Variants in ANXA11 observed in about 807,000 individuals in gnomAD.
The protein encoded by ANXA11 is 56 kDa autoantigen.
A neutral mutation model predicts 64.7 loss-of-function variants in ANXA11; 57 were observed. The observed-to-expected ratio is 0.88, with a 90% CI of 0.71 to 1.10. ANXA11 has a LOEUF of 1.10. ANXA11 is among the 50% of genes least tolerant of loss of function. The pLI is 0.00. For missense variants in ANXA11, 675 were observed against 670.7 expected (o/e 1.01, Z -0.07); for synonymous variants, 260 against 265.2 (o/e 0.98, Z 0.19).
At chr10:80,176,533 G>T (rs972136302) in intron 1 of ANXA11, among the ~76,000 whole-genome samples, 3 of 152,198 alleles carry the variant, frequency 2.0e-5, no homozygotes, top group Non-Finnish European at 4.4e-5. Flanking sequence ...GTGCATTTCT[G>T]CTGCATGTAT....
intron 8 of ANXA11, among the ~76,000 whole-genome samples, chr10:80,165,120 G>GT (rs1482648065): frequency 6.6e-6 from 1 of 152,164 alleles, no homozygotes; most frequent in Non-Finnish European, 1.5e-5. Context: ...ACTCCCTGGG[G>GT]CCCCGGGCCA....
chr10:80,176,579 T>C (rs1040594207), intron 1 of ANXA11, among the ~76,000 whole-genome samples: 1 of 152,224 alleles, frequency 6.6e-6, no homozygotes, highest in Non-Finnish European at 1.5e-5. Context: ...AAAGGCCCAA[T>C]TCAGGTGCAG....
chr10:80,188,005 C>G (rs1564622670), intron 1 of ANXA11, among the ~76,000 whole-genome samples: 1 of 152,094 alleles, frequency 6.6e-6, no homozygotes, highest in Non-Finnish European at 1.5e-5. Context: ...AAACCCTTCC[C>G]TCATTTTGCA....
At chr10:80,182,959 A>G (rs751669888) in intron 1 of ANXA11, among the ~76,000 whole-genome samples, 25 of 152,186 alleles carry the variant, frequency 1.6e-4, no homozygotes, top group Non-Finnish European at 1.6e-4. Flanking sequence ...AGTGTGGGGA[A>G]AAAAAACACA....
chr10:80,192,904 T>C (rs940970719), intron 1 of ANXA11, among the ~76,000 whole-genome samples: 4 of 152,182 alleles, frequency 2.6e-5, no homozygotes, highest in South Asian at 2.1e-4. Context: ...CTACCTCCCA[T>C]GCACTTTTCT....
At chr10:80,159,452 A>G (rs1190535600) in intron 12 of ANXA11, among the ~76,000 whole-genome samples, 1 of 152,218 alleles carries the variant, frequency 6.6e-6, no homozygotes, top group East Asian at 1.9e-4. Flanking sequence ...ATGTGAGCAC[A>G]GTGATTGTCA....
intron 13 of ANXA11, among the ~76,000 whole-genome samples, chr10:80,158,578 T>A (rs925449951): frequency 6.6e-6 from 1 of 152,212 alleles, no homozygotes; most frequent in Admixed American, 6.5e-5. Context: ...AGAGGGGTTG[T>A]GAGGGCCTCA....
chr10:80,194,611 C>A (rs977785078), intron 1 of ANXA11, among the ~76,000 whole-genome samples: 1 of 152,088 alleles, frequency 6.6e-6, no homozygotes, highest in African/African-American at 2.4e-5. Context: ...CTCTGAGGGG[C>A]CTTGGCAAAT....
intron 8 of ANXA11, among the ~76,000 whole-genome samples, chr10:80,165,436 G>A (rs1038388416): frequency 2.6e-5 from 4 of 152,190 alleles, no homozygotes; most frequent in African/African-American, 9.6e-5. Flanking sequence ...GGAGGGAACA[G>A]TGAGTCCAAG....
rs58223589 is a variant in ANXA11, at chr10:80,166,075, C to CACACAT, written c.858+8_858+9insATGTGT. 1 of 1,463,526 alleles carries CACACAT rather than the reference C, an allele frequency of 6.8e-7. No homozygotes were observed. 90.7% of individuals were successfully genotyped at this position (1,463,526 alleles called of 1,614,324 possible). A position where few individuals can be genotyped will look rare whatever the true frequency, so the allele number is the denominator to read the frequency against. ...ACACACACACACACACACACACACA[C>CACACAT]GTACACACCTTGATGGCTTCCTTTA... On this transcript the variant is annotated intron_variant, in intron 8 of 15. Transcript: ENST00000422982.
chr10:80,186,353 T>C (rs1386931725), intron 1 of ANXA11, among the ~76,000 whole-genome samples: 1 of 151,438 alleles, frequency 6.6e-6, no homozygotes, highest in African/African-American at 2.4e-5. Flanking sequence ...GTGTGACAGG[T>C]GGAGGATGGG....
chr10:80,196,463 T>C (rs951983032), intron 1 of ANXA11, among the ~76,000 whole-genome samples: 2 of 152,164 alleles, frequency 1.3e-5, no homozygotes, highest in African/African-American at 2.4e-5. Flanking sequence ...CCTGTTTCGG[T>C]AGCCTCTATT....
chr10:80,171,083 CT>C (rs1413784533), intron 3 of ANXA11, 168 bp from the exon 4 acceptor site: 15 of 1,517,110 alleles, frequency 9.9e-6, no homozygotes, highest in South Asian at 2.5e-5. Context: ...AAGTCTCCCC[CT>C]ATCCCACTGG....
chr10:80,187,544 T>TGCAC (rs1846591379), intron 1 of ANXA11, among the ~76,000 whole-genome samples: 1 of 142,734 alleles, frequency 7.0e-6, no homozygotes, highest in African/African-American at 2.6e-5. Flanking sequence ...TGTGCGCGCG[T>TGCAC]GCACACACAC....
intron 7 of ANXA11, 150 bp downstream of exon 7, chr10:80,166,740 C>T: frequency 1.5e-6 from 1 of 659,354 alleles, no homozygotes; most frequent in South Asian, 1.8e-5. Flanking sequence ...CCAACGATGC[C>T]ACCAGCTGGA....
chr10:80,170,871 T>C lies in ANXA11; in HGVS notation c.100A>G (p.Met34Val), dbSNP rs762135310. 20 of 1,556,668 alleles carry C rather than the reference T, an allele frequency of 1.3e-5. No homozygotes were observed. Among genetic ancestry groups the C allele is most frequent in the Non-Finnish European group, 1.6e-5 (19 of 1,154,068 alleles). Residue 34 changes from methionine to valine, a missense_variant, in exon 4 of 16, where the codon ATG becomes GTG. Met to Val is a conservative substitution (Grantham distance 21). Transcript: ENST00000422982. Reference sequence around the variant, plus strand: ...ACGTTATCCAGCCCGATGGGGGGCATGCTGGGCGGAGGAGGGTAGGCAGCA... The same window carrying C: ...ACGTTATCCAGCCCGATGGGGGGCACGCTGGGCGGAGGAGGGTAGGCAGCA... ...GGAAYPPPPS[M>V]PPIGLDNVAT...
chr10:80,198,402 A>G (rs1840267434), intron 1 of ANXA11, among the ~76,000 whole-genome samples: 1 of 152,226 alleles, frequency 6.6e-6, no homozygotes, highest in African/African-American at 2.4e-5. Flanking sequence ...AGGGCCTGCC[A>G]TGGGGATGTG....
chr10:80,169,257 C>T lies in ANXA11; in HGVS notation c.273G>A (p.Gly91=). ...GYPPVPPGGF[G]QPPSAQQPVP... Reference sequence around the variant, plus strand: ...CAGGCTGCTGGGCAGAGGGGGGCTGCCCAAAGCCGCCAGGGGGCACTGGTG... The same window carrying T: ...CAGGCTGCTGGGCAGAGGGGGGCTGTCCAAAGCCGCCAGGGGGCACTGGTG... The change falls in exon 5 of 16, where the codon GGG becomes GGA. Residue 91 remains glycine (G), a synonymous_variant. Transcript: ENST00000422982. 4 of 1,611,736 alleles carry T rather than the reference C, an allele frequency of 2.5e-6. No homozygotes were observed. Among genetic ancestry groups the T allele is most frequent in the East Asian group, 2.2e-5 (1 of 44,868 alleles).
intron 5 of ANXA11, among the ~76,000 whole-genome samples, chr10:80,168,350 G>A (rs1370908676): frequency 6.6e-6 from 1 of 152,000 alleles, no homozygotes; most frequent in Non-Finnish European, 1.5e-5. Flanking sequence ...AAAACACACA[G>A]CCCAGGCAGT....
Sources: gnomAD v4.1 joint callset for allele counts (sites outside exome capture counted in the v4.1 genomes callset) on GRCh38, gnomAD v4.1.1 for gene constraint, MANE v1.5 for transcripts, NCBI Gene and HGNC (gene_info 2026-07-23, HGNC 2026-07-21) for gene names.